MPPED2: variants seen among roughly 807,000 people sequenced by gnomAD.
MPPED2 encodes metallophosphoesterase MPPED2.
Under a neutral mutation model 33.0 loss-of-function variants are expected in MPPED2, and 5 were observed. The ratio of observed to expected loss-of-function variants is 0.15; its 90% CI spans 0.08 to 0.32. The LOEUF is 0.32. Ranked by LOEUF, MPPED2 falls within the 10% of genes least tolerant of loss-of-function variation. The probability of loss-of-function intolerance (pLI) is 1.00; values close to 1 mark genes in which losing one functional copy is unlikely to be tolerated. For synonymous variants in MPPED2, 136 were observed against 141.9 expected (o/e 0.96, Z 0.29); for missense variants, 275 against 372.1 (o/e 0.74, Z 2.15).
chr11:30,521,348 T>C (rs950712848), intron 3 of MPPED2, among the ~76,000 whole-genome samples: 2 of 152,180 alleles, frequency 1.3e-5, no homozygotes, highest in African/African-American at 4.8e-5. Context: ...TTAGGCTAAA[T>C]TACGAAAGCT....
intron 2 of MPPED2, among the ~76,000 whole-genome samples, chr11:30,551,747 A>G (rs927668131): frequency 6.6e-6 from 1 of 152,214 alleles, no homozygotes; most frequent in Admixed American, 6.5e-5. Flanking sequence ...AGAGACAAAC[A>G]GCATGGATTT....
In MPPED2 at chr11:30,410,524, C is replaced by G; in HGVS notation, c.*944G>C. The G allele has an allele frequency of 1.0e-6, 1 of 985,666 alleles. No homozygotes were observed. The allele number at this position is 985,666 out of a possible 1,614,324, so 61.1% of individuals were successfully genotyped here. Reference sequence around the variant, plus strand: ...TTATTTTAGTTAGCTTCCATTGCATCCATTTAAGTCTATACATGCCTGTAA... The same window carrying G: ...TTATTTTAGTTAGCTTCCATTGCATGCATTTAAGTCTATACATGCCTGTAA... On this transcript the variant is annotated 3_prime_UTR_variant, in exon 7 of 7. Coordinates refer to ENST00000358117, the MANE Select transcript of MPPED2 (RefSeq NM_001584.3).
intron 4 of MPPED2, chr11:30,425,677 C>T (rs987697306): frequency 6.6e-6 from 1 of 152,142 alleles, no homozygotes; most frequent in Admixed American, 6.5e-5. Flanking sequence ...TTTGCTGCTG[C>T]AGAAATCAAA....
chr11:30,434,195 G>C (rs1201792058), intron 4 of MPPED2, among the ~76,000 whole-genome samples: 1 of 152,088 alleles, frequency 6.6e-6, no homozygotes, highest in African/African-American at 2.4e-5. Context: ...CATATTTCTG[G>C]GATTAGGATG....
intron 4 of MPPED2, among the ~76,000 whole-genome samples, chr11:30,476,558 T>C (rs1951208721): frequency 6.6e-6 from 1 of 151,992 alleles, no homozygotes; most frequent in Non-Finnish European, 1.5e-5. Context: ...TTTGGCTGTA[T>C]ATATATGGGT....
intron 4 of MPPED2, among the ~76,000 whole-genome samples, chr11:30,449,536 G>A (rs1178109717): frequency 6.8e-6 from 1 of 147,642 alleles, no homozygotes; most frequent in East Asian, 1.9e-4. Flanking sequence ...CCAGCTACCT[G>A]GAAGGCTGAA....
At chr11:30,535,867 C>T (rs2134483129) in intron 3 of MPPED2, 127 bp downstream of exon 3, 1 of 664,690 alleles carries the variant, frequency 1.5e-6, no homozygotes, top group East Asian at 3.0e-5. Context: ...TAAAGCTAGA[C>T]ACCACCGCAT....
At chr11:30,460,881 A>G (rs1425724507) in intron 4 of MPPED2, among the ~76,000 whole-genome samples, 1 of 152,158 alleles carries the variant, frequency 6.6e-6, no homozygotes, top group African/African-American at 2.4e-5. Context: ...CTAAGTATAT[A>G]CCCAAAGGAA....
chr11:30,470,095 C>T (rs509995), intron 4 of MPPED2, among the ~76,000 whole-genome samples: 149,087 of 152,298 alleles, frequency 0.98, 73,029 homozygotes, highest in Middle Eastern at 1. Flanking sequence ...ACTTTGATTT[C>T]AGCACTTTCT....
chr11:30,429,449 A>G lies in MPPED2; in HGVS notation c.537-11816T>C, dbSNP rs1948985178. Among the ~76,000 whole-genome samples the G allele has an allele frequency of 2.0e-5, 3 of 152,184 alleles. 1 individual carries two copies. The South Asian group carries it at 6.2e-4, about 32-fold the overall frequency. On this transcript the variant is annotated intron_variant, in intron 4 of 6. Transcript: ENST00000358117. ...GTCCAGACCGATTTAGTAAAGTGAGAAAACTGTGACTGCAAACTGGCAGTA... is the reference window on the plus strand; with the variant it reads ...GTCCAGACCGATTTAGTAAAGTGAGGAAACTGTGACTGCAAACTGGCAGTA...
At chr11:30,583,545 C>A (rs1408882705) in intron 1 of MPPED2, among the ~76,000 whole-genome samples, 1 of 152,148 alleles carries the variant, frequency 6.6e-6, no homozygotes, top group African/African-American at 2.4e-5. Context: ...AAAAGAAAAT[C>A]ATGTGAGTAC....
At chr11:30,439,683 T>C (rs1949479417) in intron 4 of MPPED2, among the ~76,000 whole-genome samples, 1 of 152,244 alleles carries the variant, frequency 6.6e-6, no homozygotes, top group Non-Finnish European at 1.5e-5. Context: ...ATGCTTCTTC[T>C]CATGAATTGC....
intron 4 of MPPED2, among the ~76,000 whole-genome samples, chr11:30,428,295 T>A (rs1017107984): frequency 1.3e-5 from 2 of 152,250 alleles, no homozygotes; most frequent in Non-Finnish European, 2.9e-5. Flanking sequence ...GTATACCACT[T>A]TGCTGCTTAC....
chr11:30,386,161 C>T (rs143051500), exon 7 of MPPED2: 4 of 152,348 alleles, frequency 2.6e-5, no homozygotes, highest in African/African-American at 9.6e-5. Context: ...AAGGAAAGAA[C>T]ATTTTCAGGA....
intron 4 of MPPED2, among the ~76,000 whole-genome samples, chr11:30,431,475 A>G (rs1565061115): frequency 6.6e-6 from 1 of 152,236 alleles, no homozygotes; most frequent in Non-Finnish European, 1.5e-5. Flanking sequence ...CATTAAATGA[A>G]ATAATCCACA....
chr11:30,449,034 T>G (rs1949937039), intron 4 of MPPED2, among the ~76,000 whole-genome samples: 1 of 152,228 alleles, frequency 6.6e-6, no homozygotes, highest in Admixed American at 6.5e-5. Flanking sequence ...TTATTTTGTT[T>G]TAGTCATCTG....
downstream of MPPED2, chr11:30,384,448 G>C (rs1947678714): frequency 1.3e-5 from 2 of 150,596 alleles, no homozygotes; most frequent in Non-Finnish European, 3.0e-5. Flanking sequence ...CCATGTTTAG[G>C]ATACCCAAGT....
At chr11:30,417,655 T>C (rs1324588610) in intron 4 of MPPED2, 22 bp from the exon 5 acceptor site, 2 of 1,426,596 alleles carry the variant, frequency 1.4e-6, no homozygotes, top group African/African-American at 1.4e-5. Context: ...ATAATGCACA[T>C]GGTATCAGGC....
intron 3 of MPPED2, among the ~76,000 whole-genome samples, chr11:30,513,327 G>T (rs1421708476): frequency 6.6e-6 from 1 of 151,950 alleles, no homozygotes; most frequent in Non-Finnish European, 1.5e-5. Context: ...CTCTTTTTTG[G>T]TCAGGCCTTG....
Sources: allele counts gnomAD v4.1 joint callset (sites outside exome capture counted in the v4.1 genomes callset), GRCh38; gene constraint gnomAD v4.1.1; transcripts MANE v1.5; gene names NCBI Gene and HGNC (gene_info 2026-07-23, HGNC 2026-07-21).